IGSF3: variants seen among roughly 807,000 people sequenced by gnomAD.
IGSF3 encodes the protein immunoglobulin superfamily member 3, also known as glu-Trp-Ile EWI motif-containing protein 3.
A neutral mutation model predicts 114.4 loss-of-function variants in IGSF3; 23 were observed. The ratio of observed to expected loss-of-function variants is 0.20; its 90% CI spans 0.14 to 0.28. IGSF3 has a LOEUF of 0.28. Ranked by LOEUF, IGSF3 falls within the 10% of genes least tolerant of loss-of-function variation. The pLI is 1.00. For missense variants in IGSF3, 1,172 were observed against 1,591.5 expected (o/e 0.74, Z 4.48); for synonymous variants, 571 against 645.2 (o/e 0.88, Z 1.74).
chr1:116,656,191 A>T (rs1370367264), intron 2 of IGSF3, among the ~76,000 whole-genome samples: 1 of 152,172 alleles, frequency 6.6e-6, no homozygotes, highest in Non-Finnish European at 1.5e-5. Flanking sequence ...TATACATAGA[A>T]AAGGGTCTGG....
rs769052477 is a variant in IGSF3 at position 116,583,151 on chromosome 1, C to T, written c.2848+1494G>A. 6.6e-6 allele frequency among the ~76,000 whole-genome samples: 1 copy of T among 152,140 alleles called. No individual in the cohort carries two copies. Among genetic ancestry groups the T allele is most frequent in the East Asian group, 1.9e-4 (1 of 5,192 alleles). On this transcript the variant is annotated intron_variant, in intron 9 of 10. Coordinates refer to ENST00000369486, the MANE Select transcript of IGSF3 (RefSeq NM_001007237.3). This position sits in a 1 kb window ranked among gnomAD's most constrained non-coding sequence, Gnocchi z 4.5. ...ACTCAGAGTTATTGTGAAGACTGAA[C>T]ATAAGTCTCCTAACTGTGGCTGGGA...
At position 116,577,171 on chromosome 1, in the gene IGSF3, T is replaced by A; in HGVS notation, c.*141A>T. 3.3e-6 allele frequency: 3 copies of A among 900,228 alleles called. No homozygotes were observed. The highest frequency in any genetic ancestry group is 4.9e-6 in the Non-Finnish European group (3 of 606,142). 55.8% of individuals were successfully genotyped at this position (900,228 alleles called of 1,614,324 possible). A position where few individuals can be genotyped will look rare whatever the true frequency, so the allele number is the denominator to read the frequency against. ...GAGGCAGTCTGTCTCTGTGACTGAC[T>A]GGGAACTTGGAACACTTTTCAAGTC... On this transcript the variant is annotated 3_prime_UTR_variant, in exon 11 of 11. Transcript: ENST00000369486. This position sits in a 1 kb window ranked among gnomAD's most constrained non-coding sequence, Gnocchi z 5.7.
rs1207948194 is a variant in IGSF3 at position 116,594,787 on chromosome 1, A to G, written c.2029+5154T>C. ...GACCCCATGCTTTAGTCATCTCAAGATAAGCATGCTGCTCCCACCCTCCGT... is the reference window on the plus strand; with the variant it reads ...GACCCCATGCTTTAGTCATCTCAAGGTAAGCATGCTGCTCCCACCCTCCGT... On this transcript the variant is annotated intron_variant, in intron 7 of 10. Coordinates refer to ENST00000369486, the MANE Select transcript of IGSF3 (RefSeq NM_001007237.3). The surrounding 1 kb of genome is among the most constrained non-coding windows in gnomAD (Gnocchi z 5.2). 2.6e-5 allele frequency among the ~76,000 whole-genome samples: 4 copies of G among 151,884 alleles called. No homozygotes were observed. The highest frequency in any genetic ancestry group is 5.9e-5 in the Non-Finnish European group (4 of 67,982).
At chr1:116,620,261 G>A (rs1258875128) in intron 2 of IGSF3, among the ~76,000 whole-genome samples, 1 of 152,180 alleles carries the variant, frequency 6.6e-6, no homozygotes, top group Non-Finnish European at 1.5e-5. Flanking sequence ...GGAAGGAGCT[G>A]GCCACGCTTA....
rs1659819889 is a variant in IGSF3, at chr1:116,585,809, C to T, written c.2441-757G>A. Among the ~76,000 whole-genome samples, 1 of 152,150 alleles carries T rather than the reference C, an allele frequency of 6.6e-6. No individual in the cohort carries two copies. The highest frequency in any genetic ancestry group is 1.5e-5 in the Non-Finnish European group (1 of 68,024). ...TGGTGGTGTGCGCCTGTAATCCCAGCTACTCGGGAGGTGAAGGTTGCAGTG... is the reference window on the plus strand; with the variant it reads ...TGGTGGTGTGCGCCTGTAATCCCAGTTACTCGGGAGGTGAAGGTTGCAGTG... On this transcript the variant is annotated intron_variant, in intron 8 of 10. Transcript: ENST00000369486. The surrounding 1 kb of genome is among the most constrained non-coding windows in gnomAD (Gnocchi z 4.9).
chr1:116,600,775 A>T lies in IGSF3; in HGVS notation c.1625-430T>A, dbSNP rs1808276. On this transcript the variant is annotated intron_variant, in intron 6 of 10. Coordinates refer to ENST00000369486, the MANE Select transcript of IGSF3 (RefSeq NM_001007237.3). The surrounding 1 kb of genome is among the most constrained non-coding windows in gnomAD (Gnocchi z 5.5). ...AACACAACCACACAGCCCCAACACC[A>T]CTTTTCCTGGTCCCTTAGCGCACTG... Among the ~76,000 whole-genome samples the T allele has an allele frequency of 0.029, 4,342 of 151,630 alleles. 83 individuals carry two copies. The highest frequency in any genetic ancestry group is 0.043 in the Non-Finnish European group (2,925 of 67,690).
Position 116,632,495 on chromosome 1 carries a change from A to C in IGSF3, c.44-16038T>G, listed in dbSNP as rs1647635993. Among the ~76,000 whole-genome samples, 1 of 152,254 alleles carries C rather than the reference A, an allele frequency of 6.6e-6. No individual in the cohort carries two copies. Among genetic ancestry groups the C allele is most frequent in the African/African-American group, 2.4e-5 (1 of 41,460 alleles). On this transcript the variant is annotated intron_variant, in intron 2 of 10. Transcript: ENST00000369486. This position sits in a 1 kb window ranked among gnomAD's most constrained non-coding sequence, Gnocchi z 5.1. The stretch of plus-strand genomic sequence containing the variant: ...CTAACCACACAACGCAGCATACTGA[A>C]TGAGAAGCCTCGCAGGCAGAGAAGA...
In IGSF3 at chr1:116,632,466, A is replaced by C. The variant is rs146059472; in HGVS notation, c.44-16009T>G. Among the ~76,000 whole-genome samples, 402 of 152,346 alleles carry C rather than the reference A, an allele frequency of 2.6e-3. 1 individual carries two copies. The highest frequency in any genetic ancestry group is 8.2e-3 in the African/African-American group (339 of 41,588). ...AAGCCACTTTCAACATAACTATGGA[A>C]CAGCTAACCACACAACGCAGCATAC... On this transcript the variant is annotated intron_variant, in intron 2 of 10. Coordinates refer to ENST00000369486, the MANE Select transcript of IGSF3 (RefSeq NM_001007237.3). The surrounding 1 kb of genome is among the most constrained non-coding windows in gnomAD (Gnocchi z 5.1).
chr1:116,618,835 C>T lies in IGSF3; in HGVS notation c.44-2378G>A, dbSNP rs191777890. On this transcript the variant is annotated intron_variant, in intron 2 of 10. Transcript: ENST00000369486. This position sits in a 1 kb window ranked among gnomAD's most constrained non-coding sequence, Gnocchi z 4.7. The stretch of plus-strand genomic sequence containing the variant: ...TTTGAATTGCGGTGTTCTATGACAG[C>T]GCAACTACAACCAACCCCCATACAT... 2.6e-5 allele frequency among the ~76,000 whole-genome samples: 4 copies of T among 152,188 alleles called. No homozygotes were observed. The highest frequency in any genetic ancestry group is 6.5e-5 in the Admixed American group (1 of 15,284).
intron 1 of IGSF3, among the ~76,000 whole-genome samples, chr1:116,667,298 C>T (rs1649375785): frequency 6.6e-6 from 1 of 152,208 alleles, no homozygotes; most frequent in South Asian, 2.1e-4. Flanking sequence ...GACTCCCGGC[C>T]CCCGCCCCAA....
intron 1 of IGSF3, among the ~76,000 whole-genome samples, chr1:116,667,158 T>C (rs769450771): frequency 5.3e-5 from 8 of 152,146 alleles, no homozygotes; most frequent in Non-Finnish European, 1.0e-4. Context: ...GAAGCCCGAT[T>C]GTTCCTGAAA....
rs1407963677 is a variant in IGSF3 at position 116,599,987 on chromosome 1, C to T, written c.1983G>A (p.Leu661=). ...RKNYNNTWTR[L]AERTSNLLEI... Reference sequence around the variant, plus strand: ...CCAGCAGGTTGGAGGTCCTCTCCGCCAGTCGCGTCCAGGTGTTGTTGTAGT... The same window carrying T: ...CCAGCAGGTTGGAGGTCCTCTCCGCTAGTCGCGTCCAGGTGTTGTTGTAGT... The change falls in exon 7 of 11, where the codon CTG becomes CTA. Residue 661 remains leucine, a synonymous_variant. Coordinates refer to ENST00000369486, the MANE Select transcript of IGSF3 (RefSeq NM_001007237.3). 15 of 1,613,900 alleles carry T rather than the reference C, an allele frequency of 9.3e-6. No individual in the cohort carries two copies. Among genetic ancestry groups the T allele is most frequent in the Non-Finnish European group, 1.2e-5 (14 of 1,179,924 alleles).
At position 116,615,560 on chromosome 1, in the gene IGSF3, A is replaced by T. The variant is rs1661184283; in HGVS notation, c.421+520T>A. Among the ~76,000 whole-genome samples, 1 of 152,194 alleles carries T rather than the reference A, an allele frequency of 6.6e-6. No homozygotes were observed. The highest frequency in any genetic ancestry group is 6.5e-5 in the Admixed American group (1 of 15,286). ...CCCTCTTCCTCATGTTTCCTTCAGCATTAAGGAGCAACAAGGGAGACAGCC... is the reference window on the plus strand; with the variant it reads ...CCCTCTTCCTCATGTTTCCTTCAGCTTTAAGGAGCAACAAGGGAGACAGCC... On this transcript the variant is annotated intron_variant, in intron 3 of 10. Coordinates refer to ENST00000369486, the MANE Select transcript of IGSF3 (RefSeq NM_001007237.3). The surrounding 1 kb of genome is among the most constrained non-coding windows in gnomAD (Gnocchi z 4.3).
chr1:116,664,105 G>C lies in IGSF3; in HGVS notation c.43+2179C>G, dbSNP rs1017456227. ...CCAGGCCTCCTTCCTGCCATACTGA[G>C]AGCCATCAGGTGAAGAGAAAGATGA... On this transcript the variant is annotated intron_variant, in intron 2 of 10. Coordinates refer to ENST00000369486, the MANE Select transcript of IGSF3 (RefSeq NM_001007237.3). The surrounding 1 kb of genome is among the most constrained non-coding windows in gnomAD (Gnocchi z 4.6). 1.3e-5 allele frequency among the ~76,000 whole-genome samples: 2 copies of C among 152,300 alleles called. No homozygotes were observed. Among genetic ancestry groups the C allele is most frequent in the South Asian group, 4.1e-4 (2 of 4,828 alleles).
chr1:116,622,412 A>G (rs891658641), intron 2 of IGSF3, among the ~76,000 whole-genome samples: 3 of 152,216 alleles, frequency 2.0e-5, no homozygotes, highest in Non-Finnish European at 4.4e-5. Flanking sequence ...AACATTAAAA[A>G]GAACATTAAG....
rs1464332543 is a variant in IGSF3, at chr1:116,665,316, G to A, written c.43+968C>T. Among the ~76,000 whole-genome samples, 2 of 152,198 alleles carry A rather than the reference G, an allele frequency of 1.3e-5. No homozygotes were observed. The highest frequency in any genetic ancestry group is 4.8e-5 in the African/African-American group (2 of 41,436). The stretch of plus-strand genomic sequence containing the variant: ...ACCTAGATTTGGAGACGTGAACCCT[G>A]TAGGCAACAATCATAATCCCTTCTG... On this transcript the variant is annotated intron_variant, in intron 2 of 10. Transcript: ENST00000369486. The surrounding 1 kb of genome is among the most constrained non-coding windows in gnomAD (Gnocchi z 4.0).
In IGSF3 at chr1:116,613,808, G is replaced by C. The variant is rs745408430; in HGVS notation, c.789C>G (p.Thr263=). ...CCACGGCTCCCTCGGAACGCTTTCG[G>C]GTCATAGCATACCACGACCCATCCG... The part of the protein sequence containing the change: ...QDPDGSWYAM[T]RKRSEGAVVN... Residue 263 remains threonine (T), a synonymous_variant, in exon 4 of 11, where the codon ACC becomes ACG. Transcript: ENST00000369486. 17 of 1,613,854 alleles carry C rather than the reference G, an allele frequency of 1.1e-5. No homozygotes were observed. The highest frequency in any genetic ancestry group is 1.7e-5 in the Admixed American group (1 of 59,992).
chr1:116,623,324 C>A (rs144473295), intron 2 of IGSF3, among the ~76,000 whole-genome samples: 5 of 152,214 alleles, frequency 3.3e-5, no homozygotes, highest in Non-Finnish European at 7.3e-5. Context: ...GTCAATACTC[C>A]TAGTGACCTC....
Position 116,605,738 on chromosome 1 carries a change from C to T in IGSF3, c.1223-1713G>A, listed in dbSNP as rs1660770947. The stretch of plus-strand genomic sequence containing the variant: ...ACAATATTCCTCTTTAGATTAAAGA[C>T]TCATCCCCACTGTTATCAATTCAAA... On this transcript the variant is annotated intron_variant, in intron 5 of 10. Coordinates refer to ENST00000369486, the MANE Select transcript of IGSF3 (RefSeq NM_001007237.3). This position sits in a 1 kb window ranked among gnomAD's most constrained non-coding sequence, Gnocchi z 5.1. Among the ~76,000 whole-genome samples, 1 of 152,322 alleles carries T rather than the reference C, an allele frequency of 6.6e-6. No individual in the cohort carries two copies. Among genetic ancestry groups the T allele is most frequent in the African/African-American group, 2.4e-5 (1 of 41,558 alleles).
Sources: allele counts gnomAD v4.1 joint callset (sites outside exome capture counted in the v4.1 genomes callset), GRCh38; gene constraint gnomAD v4.1.1; non-coding constraint Gnocchi (gnomAD v3.1); transcripts MANE v1.5; gene names NCBI Gene and HGNC (gene_info 2026-07-23, HGNC 2026-07-21).